The following KIAA1549L variants were observed in gnomAD, a reference collection of about 807,000 sequenced individuals.
KIAA1549L encodes UPF0606 protein KIAA1549L.
In KIAA1549L, 88 loss-of-function variants were observed where a neutral mutation model predicts 160.7. The observed-to-expected ratio is 0.55, with a 90% CI of 0.46 to 0.65. The LOEUF (loss-of-function observed/expected upper bound fraction) is 0.65, where lower values mean the gene tolerates loss of function less well. Ranked by LOEUF, KIAA1549L falls within the 30% of genes least tolerant of loss-of-function variation. The pLI is 0.00. For missense variants in KIAA1549L, 2,258 were observed against 2,437.5 expected (o/e 0.93, Z 1.55); for synonymous variants, 950 against 976.7 (o/e 0.97, Z 0.51).
chr11:33,570,393 T>G (rs757580065), intron 9 of KIAA1549L, among the ~76,000 whole-genome samples: 1 of 152,098 alleles, frequency 6.6e-6, no homozygotes, highest in Non-Finnish European at 1.5e-5. Context: ...TTTCTGCAAA[T>G]CCCTGATTTA....
In KIAA1549L at chr11:33,673,934, C is replaced by G. The variant is rs1852727330; in HGVS notation, c.*5780C>G. ...TGAGTCTTTAAAACCATATTAGACA[C>G]ATTGGGCAAAGTACTGAGCAGAAGC... is the stretch of plus-strand genomic sequence containing the variant. On this transcript the variant is annotated 3_prime_UTR_variant, in exon 21 of 21. Transcript: ENST00000658780. The G allele has an allele frequency of 6.6e-6, 1 of 152,218 alleles. No individual in the cohort carries two copies. The highest frequency in any genetic ancestry group is 1.5e-5 in the Non-Finnish European group (1 of 68,030). 9.4% of individuals were successfully genotyped at this position (152,218 alleles called of 1,614,324 possible).
intron 1 of KIAA1549L, among the ~76,000 whole-genome samples, chr11:33,538,632 C>T (rs1853946263): frequency 6.6e-6 from 1 of 152,082 alleles, no homozygotes; most frequent in African/African-American, 2.4e-5. Context: ...AGAAGAAAGA[C>T]AGAGGGAATC....
intron 6 of KIAA1549L, among the ~76,000 whole-genome samples, chr11:33,556,537 G>C (rs983764544): frequency 6.6e-6 from 1 of 152,196 alleles, no homozygotes; most frequent in African/African-American, 2.4e-5. Context: ...AGGAAATTCT[G>C]ATGCATGCTA....
At chr11:33,403,117 A>G (rs1416441828) in intron 1 of KIAA1549L, 1 of 151,938 alleles carries the variant, frequency 6.6e-6, no homozygotes, top group Non-Finnish European at 1.5e-5. Context: ...TCTCTTCTAA[A>G]TTATTTTGAT....
At chr11:33,647,237 G>T (rs563821631) in intron 17 of KIAA1549L, among the ~76,000 whole-genome samples, 92 of 152,126 alleles carry the variant, frequency 6.0e-4, no homozygotes, top group Non-Finnish European at 1.1e-3. Flanking sequence ...TTAGCCAGGT[G>T]TGGCGGCATG....
At chr11:33,612,170 G>C (rs1450379612) in intron 15 of KIAA1549L, among the ~76,000 whole-genome samples, 2 of 152,212 alleles carry the variant, frequency 1.3e-5, no homozygotes, top group African/African-American at 4.8e-5. Flanking sequence ...GATGAGAATG[G>C]GGAGGGACAG....
intron 12 of KIAA1549L, among the ~76,000 whole-genome samples, chr11:33,593,898 C>G (rs1850131421): frequency 6.6e-6 from 1 of 151,930 alleles, no homozygotes; most frequent in African/African-American, 2.4e-5. Context: ...CTCTATAAGA[C>G]TGGGAAGAAT....
At chr11:33,642,292 C>T (rs6484662) in intron 16 of KIAA1549L, among the ~76,000 whole-genome samples, 151,452 of 152,326 alleles carry the variant, frequency 0.99, 75,293 homozygotes, top group Middle Eastern at 1. Flanking sequence ...GGGCCTTTTA[C>T]CTTAACCTCA....
intron 1 of KIAA1549L, among the ~76,000 whole-genome samples, chr11:33,387,695 G>C (rs1019613363): frequency 6.6e-6 from 1 of 152,162 alleles, no homozygotes; most frequent in Non-Finnish European, 1.5e-5. Context: ...TGCATTGGTT[G>C]CATTCAGGAG....
At chr11:33,658,663 C>A in intron 18 of KIAA1549L, 87 bp from the exon 19 acceptor site, 1 of 1,396,732 alleles carries the variant, frequency 7.2e-7, no homozygotes, top group Non-Finnish European at 9.9e-7. Context: ...GCTGTCCATG[C>A]CCAAAGGTGA....
intron 1 of KIAA1549L, among the ~76,000 whole-genome samples, chr11:33,434,306 C>A (rs1276083687): frequency 6.6e-6 from 1 of 152,150 alleles, no homozygotes; most frequent in East Asian, 1.9e-4. Context: ...AGCTTTCTTG[C>A]CTACTGCCAT....
At chr11:33,648,274 G>A (rs1454588729) in intron 17 of KIAA1549L, among the ~76,000 whole-genome samples, 1 of 152,068 alleles carries the variant, frequency 6.6e-6, no homozygotes, top group Non-Finnish European at 1.5e-5. Context: ...GGGATTACAG[G>A]CGTGAGCCAT....
At chr11:33,446,158 C>T (rs993805975) in intron 1 of KIAA1549L, among the ~76,000 whole-genome samples, 6 of 150,954 alleles carry the variant, frequency 4.0e-5, no homozygotes, top group Admixed American at 2.6e-4. Context: ...GCAGTGGTGC[C>T]GTCTCAGCTC....
intron 1 of KIAA1549L, among the ~76,000 whole-genome samples, chr11:33,480,573 T>C (rs1852390361): frequency 6.6e-6 from 1 of 152,192 alleles, no homozygotes; most frequent in Admixed American, 6.5e-5. Flanking sequence ...TAACTGTGTG[T>C]TTGGGATGGT....
At chr11:33,456,585 AT>A (rs1467260776) in intron 1 of KIAA1549L, among the ~76,000 whole-genome samples, 26 of 151,656 alleles carry the variant, frequency 1.7e-4, no homozygotes, top group African/African-American at 6.3e-4. Flanking sequence ...CAATTTTCAT[AT>A]TTTTTTGTAG....
intron 1 of KIAA1549L, among the ~76,000 whole-genome samples, chr11:33,407,177 C>T (rs1352575644): frequency 5.3e-5 from 8 of 149,806 alleles, no homozygotes; most frequent in African/African-American, 1.5e-4. Context: ...CTCCGCCTCC[C>T]GGGTTCACGC....
chr11:33,539,473 G>A (rs1208566810), intron 1 of KIAA1549L, among the ~76,000 whole-genome samples: 2 of 152,174 alleles, frequency 1.3e-5, no homozygotes, highest in South Asian at 2.1e-4. Flanking sequence ...ACATAAAATA[G>A]CAAAGGCTAA....
chr11:33,436,761 C>T (rs1035785402), intron 1 of KIAA1549L, among the ~76,000 whole-genome samples: 9 of 152,298 alleles, frequency 5.9e-5, no homozygotes, highest in African/African-American at 2.2e-4. Flanking sequence ...CAATTCCTCA[C>T]TCTTAGTTGG....
intron 1 of KIAA1549L, among the ~76,000 whole-genome samples, chr11:33,384,613 A>G (rs891254650): frequency 2.6e-5 from 4 of 152,168 alleles, no homozygotes; most frequent in Non-Finnish European, 4.4e-5. Flanking sequence ...TGGTATTGTC[A>G]GCTTTGTTTT....
Sources: allele counts gnomAD v4.1 joint callset (sites outside exome capture counted in the v4.1 genomes callset), GRCh38; gene constraint gnomAD v4.1.1; transcripts MANE v1.5; gene names NCBI Gene and HGNC (gene_info 2026-07-23, HGNC 2026-07-21).